Variants in CFAP61 observed in about 807,000 individuals in gnomAD.
The protein encoded by CFAP61 is cilia and flagella associated protein 61.
CFAP61 carries 107 observed loss-of-function variants against 135.6 expected under a neutral mutation model. That is an observed-to-expected ratio of 0.79 (90% CI 0.67 to 0.93). The LOEUF (loss-of-function observed/expected upper bound fraction) is 0.93. Among genes scored for constraint, CFAP61 ranks in the 40% least tolerant of loss-of-function variants. The pLI, the probability that CFAP61 is intolerant of heterozygous loss-of-function variation, is 0.00. For synonymous variants in CFAP61, 575 were observed against 578.5 expected, an observed-to-expected ratio of 0.99 and a Z score of 0.09; for missense variants, 1,507 against 1,556.2, an observed-to-expected ratio of 0.97 and a Z score of 0.53.
chr20:20,162,171 C>T (rs1289584747), intron 10 of CFAP61, among the ~76,000 whole-genome samples: 2 of 152,172 alleles, frequency 1.3e-5, no homozygotes, highest in Non-Finnish European at 2.9e-5. Flanking sequence ...GCATCTTCCT[C>T]CCTCTGACTC....
intron 22 of CFAP61, among the ~76,000 whole-genome samples, chr20:20,277,982 A>G (rs1185136399): frequency 6.6e-6 from 1 of 152,190 alleles, no homozygotes; most frequent in East Asian, 1.9e-4. Flanking sequence ...GGCCTCTGAA[A>G]TCAAGCAGCA....
At chr20:20,323,302 A>C in intron 25 of CFAP61, 2 of 985,434 alleles carry the variant, frequency 2.0e-6, no homozygotes, top group Non-Finnish European at 2.4e-6. Flanking sequence ...CTAAATTTTC[A>C]GGCCTTCAAA....
At chr20:20,220,818 G>T (rs902100420) in intron 17 of CFAP61, among the ~76,000 whole-genome samples, 1 of 152,176 alleles carries the variant, frequency 6.6e-6, no homozygotes, top group African/African-American at 2.4e-5. Context: ...TTTTGAATGT[G>T]TTTCCCGAAC....
At chr20:20,345,248 A>G (rs1159076752) in intron 26 of CFAP61, among the ~76,000 whole-genome samples, 2 of 152,208 alleles carry the variant, frequency 1.3e-5, no homozygotes, top group African/African-American at 4.8e-5. Flanking sequence ...GATAACTAAA[A>G]GAGTGGAATT....
chr20:20,284,250 C>CTTTATTTTATTTTAT lies in CFAP61; in HGVS notation c.2797-4320_2797-4306dup, dbSNP rs749504536. Among the ~76,000 whole-genome samples the CTTTATTTTATTTTAT allele has an allele frequency of 9.0e-5, 13 of 145,084 alleles. No individual in the cohort carries two copies. The East Asian group carries it at 2.2e-3, about 25-fold the overall frequency. On this transcript the variant is annotated intron_variant, in intron 22 of 26. Transcript: ENST00000245957. ...TTTTAGTAGTCTATTTCAATTGGCTCTTTATTTTATTTTATTTTATTTTAT... is the reference window on the plus strand; with the variant it reads ...TTTTAGTAGTCTATTTCAATTGGCTCTTTATTTTATTTTATTTTATTTTATTTTATTTTATTTTAT...
intron 25 of CFAP61, among the ~76,000 whole-genome samples, chr20:20,334,948 ATACT>A (rs1394704974): frequency 6.6e-6 from 1 of 152,206 alleles, no homozygotes; most frequent in Non-Finnish European, 1.5e-5. Context: ...ATAACTAGAA[ATACT>A]TACTTGTTCC....
intron 25 of CFAP61, among the ~76,000 whole-genome samples, chr20:20,323,980 C>T (rs958158077): frequency 1.3e-5 from 2 of 152,112 alleles, no homozygotes; most frequent in Admixed American, 6.5e-5. Context: ...ACCATACCAA[C>T]GTGCCTTACT....
chr20:20,160,700 C>T (rs1440011488), intron 10 of CFAP61, among the ~76,000 whole-genome samples: 2 of 152,210 alleles, frequency 1.3e-5, no homozygotes, highest in Non-Finnish European at 2.9e-5. Context: ...TTTTGAATCT[C>T]ACATTAGCAT....
intron 6 of CFAP61, among the ~76,000 whole-genome samples, chr20:20,079,045 G>GA: frequency 6.6e-6 from 1 of 152,090 alleles, no homozygotes; most frequent in East Asian, 1.9e-4. Context: ...ACTCATTTAA[G>GA]AAAAAATAGG....
At chr20:20,300,340 A>G (rs1241066490) in intron 25 of CFAP61, among the ~76,000 whole-genome samples, 1 of 152,214 alleles carries the variant, frequency 6.6e-6, no homozygotes, top group Non-Finnish European at 1.5e-5. Context: ...GGGGGTATTC[A>G]GAAGGCATTA....
At chr20:20,153,091 A>G (rs759457702) in intron 9 of CFAP61, among the ~76,000 whole-genome samples, 1 of 152,178 alleles carries the variant, frequency 6.6e-6, no homozygotes, top group Admixed American at 6.5e-5. Context: ...ATACAAATAC[A>G]TGGAAATTAA....
chr20:20,169,531 T>A, intron 13 of CFAP61, 71 bp downstream of exon 13: 1 of 1,308,658 alleles, frequency 7.6e-7, no homozygotes, highest in Non-Finnish European at 1.0e-6. Context: ...AGGAACTCCC[T>A]GCTATTATAA....
chr20:20,122,280 C>T (rs374654755), intron 8 of CFAP61, among the ~76,000 whole-genome samples: 8 of 152,098 alleles, frequency 5.3e-5, no homozygotes, highest in East Asian at 1.9e-4. Flanking sequence ...CAGCCTCTCC[C>T]GAGCAGCTGG....
At chr20:20,129,539 CTTAT>C (rs2050341942) in intron 8 of CFAP61, among the ~76,000 whole-genome samples, 1 of 150,618 alleles carries the variant, frequency 6.6e-6, no homozygotes, top group Admixed American at 6.6e-5. Context: ...TTGGGGGAGT[CTTAT>C]TTGAGTCACA....
At chr20:20,245,880 C>A (rs112490565) in intron 18 of CFAP61, among the ~76,000 whole-genome samples, 5 of 152,164 alleles carry the variant, frequency 3.3e-5, no homozygotes, top group Non-Finnish European at 7.4e-5. Context: ...TTTTAAAAAC[C>A]TGTCTCATTA....
intron 24 of CFAP61, among the ~76,000 whole-genome samples, chr20:20,296,305 T>TC (rs1430949848): frequency 1.3e-5 from 1 of 77,960 alleles, no homozygotes; most frequent in Admixed American, 1.5e-4. Context: ...TTCCCTTCCT[T>TC]CCTTCCTTCC....
intron 20 of CFAP61, chr20:20,253,619 C>T (rs1385394627): frequency 1.5e-5 from 7 of 482,350 alleles, no homozygotes; most frequent in Non-Finnish European, 2.5e-5. Context: ...GACCCTGTGT[C>T]CAGTCCCACT....
chr20:20,144,932 A>G (rs2051747402), intron 9 of CFAP61, among the ~76,000 whole-genome samples: 1 of 152,208 alleles, frequency 6.6e-6, no homozygotes, highest in Non-Finnish European at 1.5e-5. Flanking sequence ...CCCAGTAAAT[A>G]TCTTTCATTC....
intron 9 of CFAP61, among the ~76,000 whole-genome samples, chr20:20,156,623 A>G (rs916933083): frequency 2.0e-5 from 3 of 152,154 alleles, no homozygotes; most frequent in African/African-American, 4.8e-5. Context: ...ATGACTACCT[A>G]TGAAAAAAAA....
Sources: allele counts gnomAD v4.1 joint callset (sites outside exome capture counted in the v4.1 genomes callset), GRCh38; gene constraint gnomAD v4.1.1; transcripts MANE v1.5; gene names NCBI Gene and HGNC (gene_info 2026-07-23, HGNC 2026-07-21).